MTUS2: variants seen among roughly 807,000 people sequenced by gnomAD.
MTUS2 encodes microtubule associated scaffold protein 2.
Under a neutral mutation model 114.1 loss-of-function variants are expected in MTUS2, and 40 were observed. The observed-to-expected ratio is 0.35, with a 90% CI of 0.27 to 0.46. The LOEUF (loss-of-function observed/expected upper bound fraction) is 0.46. Ranked by LOEUF, MTUS2 falls within the 20% of genes least tolerant of loss-of-function variation. The pLI is 1.00. For synonymous variants in MTUS2, 688 were observed against 672.0 expected (o/e 1.02, Z -0.37); for missense variants, 1,679 against 1,705.4 (o/e 0.98, Z 0.27).
intron 2 of MTUS2, among the ~76,000 whole-genome samples, chr13:28,841,420 G>C (rs1270199384): frequency 6.6e-6 from 1 of 152,192 alleles, no homozygotes; most frequent in Non-Finnish European, 1.5e-5. Flanking sequence ...GCAGGTTGTG[G>C]GGTGGTGAGG....
chr13:29,270,713 G>A (rs1300585566), intron 5 of MTUS2, among the ~76,000 whole-genome samples: 2 of 152,230 alleles, frequency 1.3e-5, no homozygotes, highest in East Asian at 1.9e-4. Context: ...GGCTGGCCCT[G>A]TGAGCTCTCA....
intron 8 of MTUS2, 50 bp from the exon 9 acceptor site, chr13:29,439,933 T>C (rs1290042542): frequency 1.5e-6 from 2 of 1,370,322 alleles, no homozygotes; most frequent in Non-Finnish European, 2.0e-6. Context: ...TGAAAGTGCT[T>C]ATCTAGCATA....
chr13:29,280,034 A>T (rs1898208155), intron 5 of MTUS2, among the ~76,000 whole-genome samples: 1 of 152,200 alleles, frequency 6.6e-6, no homozygotes, highest in East Asian at 1.9e-4. Context: ...ATTACTTGTG[A>T]AATATTTCTA....
At chr13:29,049,482 A>G (rs979927111) in intron 4 of MTUS2, among the ~76,000 whole-genome samples, 1 of 152,208 alleles carries the variant, frequency 6.6e-6, no homozygotes, top group African/African-American at 2.4e-5. Context: ...GAGGTTTAGC[A>G]ATGAAGCTAG....
At chr13:29,164,033 G>A (rs375411012) in intron 5 of MTUS2, among the ~76,000 whole-genome samples, 1 of 152,174 alleles carries the variant, frequency 6.6e-6, no homozygotes, top group Non-Finnish European at 1.5e-5. Flanking sequence ...GCTCAGAAGA[G>A]TAGGAGAAAG....
At chr13:28,881,988 T>C (rs1873714691) in intron 2 of MTUS2, among the ~76,000 whole-genome samples, 1 of 152,238 alleles carries the variant, frequency 6.6e-6, no homozygotes, top group South Asian at 2.1e-4. Context: ...CAAATGGTGC[T>C]AGGACAATAG....
intron 8 of MTUS2, among the ~76,000 whole-genome samples, chr13:29,382,525 C>G (rs1872291500): frequency 6.6e-6 from 1 of 152,024 alleles, no homozygotes; most frequent in South Asian, 2.1e-4. Context: ...GGTCTTTGGC[C>G]CAAAAGAGTG....
intron 5 of MTUS2, among the ~76,000 whole-genome samples, chr13:29,272,651 T>G (rs778321641): frequency 5.3e-5 from 8 of 152,206 alleles, no homozygotes; most frequent in Non-Finnish European, 7.3e-5. Flanking sequence ...CACTCATTAC[T>G]TTGTAGGGGG....
chr13:29,154,809 A>T (rs1593535380), intron 5 of MTUS2, among the ~76,000 whole-genome samples: 1 of 152,192 alleles, frequency 6.6e-6, no homozygotes, highest in East Asian at 1.9e-4. Flanking sequence ...GTCCTGGTGG[A>T]TTTGCTTCAC....
At chr13:28,872,601 G>T (rs1877687755) in intron 2 of MTUS2, among the ~76,000 whole-genome samples, 1 of 152,188 alleles carries the variant, frequency 6.6e-6, no homozygotes, top group South Asian at 2.1e-4. Flanking sequence ...CATGTACAGA[G>T]ATCACATGGC....
chr13:29,152,518 T>C (rs548899606), intron 5 of MTUS2, among the ~76,000 whole-genome samples: 60 of 152,186 alleles, frequency 3.9e-4, no homozygotes, highest in African/African-American at 1.4e-3. Context: ...CTCTGTGAGA[T>C]TGTAAGCTGT....
In MTUS2 at chr13:29,231,864, C is replaced by T. The variant is rs186361219; in HGVS notation, c.2645-49840C>T. On this transcript the variant is annotated intron_variant, in intron 5 of 15. Coordinates refer to ENST00000612955, the MANE Select transcript of MTUS2 (RefSeq NM_001033602.4). ...GATATGCTTATTTGCATGTTAAACA[C>T]CTAACATATTTTTACATGGAAGTGA... Among the ~76,000 whole-genome samples the T allele has an allele frequency of 1.6e-3, 251 of 152,178 alleles. 1 individual carries two copies. The highest frequency in any genetic ancestry group is 3.0e-3 in the Admixed American group (46 of 15,278).
intron 2 of MTUS2, among the ~76,000 whole-genome samples, chr13:28,886,706 G>C (rs1386706230): frequency 6.6e-6 from 1 of 152,138 alleles, no homozygotes; most frequent in Non-Finnish European, 1.5e-5. Context: ...TACTCTCCAG[G>C]AATGTGCTCT....
intron 5 of MTUS2, among the ~76,000 whole-genome samples, chr13:29,260,336 G>A (rs972181857): frequency 6.6e-6 from 1 of 152,176 alleles, no homozygotes; most frequent in African/African-American, 2.4e-5. Flanking sequence ...GTCAGAATCA[G>A]GCAAGTTCAG....
At chr13:28,879,436 T>C (rs1191576018) in intron 2 of MTUS2, among the ~76,000 whole-genome samples, 1 of 152,158 alleles carries the variant, frequency 6.6e-6, no homozygotes, top group South Asian at 2.1e-4. Context: ...AAGGTCATAG[T>C]ATGTGGTAGG....
At chr13:29,055,183 A>G (rs1888076725) in intron 4 of MTUS2, among the ~76,000 whole-genome samples, 1 of 152,104 alleles carries the variant, frequency 6.6e-6, no homozygotes, top group African/African-American at 2.4e-5. Context: ...CAGTAATACC[A>G]ATTTTTGCTT....
chr13:29,479,204 G>A (rs899556738), intron 9 of MTUS2, among the ~76,000 whole-genome samples: 2 of 152,222 alleles, frequency 1.3e-5, no homozygotes, highest in Non-Finnish European at 2.9e-5. Flanking sequence ...CAGCGAGCAT[G>A]GTAGACCTTT....
At position 29,503,237 on chromosome 13, in the gene MTUS2, T is replaced by TTCTCGTCC. The variant is rs1357406163; in HGVS notation, c.*34_*41dup. 1 of 1,609,214 alleles carries TTCTCGTCC rather than the reference T, an allele frequency of 6.2e-7. No homozygotes were observed. The highest frequency in any genetic ancestry group is 8.5e-7 in the Non-Finnish European group (1 of 1,178,520). ...CTACACGGCCTGCGGGAGCTCCGGC[T>TTCTCGTCC]TCTCGTCCTCCGGTCTCCACCCTGA... On this transcript the variant is annotated 3_prime_UTR_variant, in exon 16 of 16. Transcript: ENST00000612955.
chr13:28,970,939 G>A (rs1358479548), intron 2 of MTUS2, among the ~76,000 whole-genome samples: 1 of 152,220 alleles, frequency 6.6e-6, no homozygotes, highest in African/African-American at 2.4e-5. Context: ...AGGCATCCAC[G>A]TGGTATTTTA....
Sources: gnomAD v4.1 joint callset for allele counts (sites outside exome capture counted in the v4.1 genomes callset) on GRCh38, gnomAD v4.1.1 for gene constraint, MANE v1.5 for transcripts, NCBI Gene and HGNC (gene_info 2026-07-23, HGNC 2026-07-21) for gene names.